BRINP3: variants seen among roughly 807,000 people sequenced by gnomAD.
BRINP3 encodes the protein BMP/retinoic acid inducible neural specific 3, also known as BMP/retinoic acid-inducible neural-specific protein 3.
BRINP3 carries 19 observed loss-of-function variants against 71.0 expected under a neutral mutation model. That is an observed-to-expected ratio of 0.27 (90% CI 0.19 to 0.39). The LOEUF (loss-of-function observed/expected upper bound fraction) is 0.39, where lower values mean the gene tolerates loss of function less well. Ranked by LOEUF, BRINP3 falls within the 10% of genes least tolerant of loss-of-function variation. The pLI is 1.00. For synonymous variants in BRINP3, 380 were observed against 337.7 expected, an observed-to-expected ratio of 1.13 and a Z score of -1.37; for missense variants, 959 against 940.8, an observed-to-expected ratio of 1.02 and a Z score of -0.25.
chr1:190,386,404 A>C (rs1001899148), intron 2 of BRINP3, among the ~76,000 whole-genome samples: 25 of 151,746 alleles, frequency 1.6e-4, no homozygotes, highest in Admixed American at 5.3e-4. Context: ...TAAAGGAAAT[A>C]AATACCAGAT....
At chr1:190,125,429 T>A (rs1390188492) in intron 7 of BRINP3, among the ~76,000 whole-genome samples, 1 of 151,920 alleles carries the variant, frequency 6.6e-6, no homozygotes, top group Non-Finnish European at 1.5e-5. Context: ...CTTTAAAACA[T>A]ATTTTTTTCT....
intron 2 of BRINP3, among the ~76,000 whole-genome samples, chr1:190,398,052 C>T (rs971164035): frequency 1.3e-5 from 2 of 151,858 alleles, no homozygotes; most frequent in Non-Finnish European, 2.9e-5. Context: ...TCTTTTAAGC[C>T]ACAAGCTGCA....
intron 2 of BRINP3, among the ~76,000 whole-genome samples, chr1:190,301,256 T>A (rs1664718637): frequency 7.0e-6 from 1 of 143,798 alleles, no homozygotes; most frequent in Admixed American, 7.1e-5. Context: ...TATATATATA[T>A]ATCTTATCAC....
intron 5 of BRINP3, among the ~76,000 whole-genome samples, chr1:190,228,645 T>C (rs1657632486): frequency 1.3e-5 from 2 of 151,878 alleles, no homozygotes. Flanking sequence ...TAAAGAGTTT[T>C]GAGAAAAGAG....
intron 7 of BRINP3, among the ~76,000 whole-genome samples, chr1:190,157,504 C>A (rs1187386201): frequency 6.6e-6 from 1 of 151,942 alleles, no homozygotes; most frequent in East Asian, 1.9e-4. Flanking sequence ...TAAAAAGAAC[C>A]CTAAAGTCAA....
intron 1 of BRINP3, among the ~76,000 whole-genome samples, chr1:190,467,544 C>T (rs1425919833): frequency 6.6e-6 from 1 of 151,334 alleles, no homozygotes; most frequent in South Asian, 2.1e-4. Context: ...CACAACTTAC[C>T]CAGTTGACAG....
At chr1:190,177,147 C>CGTCT (rs1558037412) in intron 6 of BRINP3, among the ~76,000 whole-genome samples, 5 of 129,894 alleles carry the variant, frequency 3.8e-5, no homozygotes, top group African/African-American at 1.2e-4. Context: ...GAAGCACCCA[C>CGTCT]TTCTTTTTTT....
chr1:190,400,576 T>C (rs967257561), intron 2 of BRINP3, among the ~76,000 whole-genome samples: 2 of 152,196 alleles, frequency 1.3e-5, no homozygotes, highest in African/African-American at 4.8e-5. Context: ...TGTGATTGGT[T>C]ACATCTGTTT....
intron 7 of BRINP3, among the ~76,000 whole-genome samples, chr1:190,146,212 A>G (rs905062837): frequency 1.3e-5 from 2 of 152,164 alleles, no homozygotes; most frequent in Non-Finnish European, 2.9e-5. Flanking sequence ...ATAATTTTTT[A>G]AAAGAGCATA....
At chr1:190,171,796 T>C (rs1335251436) in intron 6 of BRINP3, among the ~76,000 whole-genome samples, 2 of 152,112 alleles carry the variant, frequency 1.3e-5, no homozygotes, top group Non-Finnish European at 2.9e-5. Flanking sequence ...CATTCAGCTG[T>C]AATCTGATTT....
intron 7 of BRINP3, among the ~76,000 whole-genome samples, chr1:190,102,505 A>G (rs1240684366): frequency 1.3e-5 from 2 of 152,162 alleles, no homozygotes; most frequent in Non-Finnish European, 2.9e-5. Flanking sequence ...TTGTGACCAC[A>G]TGGGTGGCAA....
intron 2 of BRINP3, among the ~76,000 whole-genome samples, chr1:190,372,887 A>G (rs1669950846): frequency 1.3e-5 from 2 of 152,206 alleles, no homozygotes; most frequent in Non-Finnish European, 2.9e-5. Flanking sequence ...CTCTGTAGTA[A>G]TATCAACAAA....
chr1:190,380,032 A>G (rs1670450063), intron 2 of BRINP3, among the ~76,000 whole-genome samples: 1 of 151,692 alleles, frequency 6.6e-6, no homozygotes, highest in Non-Finnish European at 1.5e-5. Context: ...AAAAAGAAAA[A>G]AAAAAAGAAT....
At chr1:190,347,534 A>T (rs1668104630) in intron 2 of BRINP3, among the ~76,000 whole-genome samples, 1 of 152,160 alleles carries the variant, frequency 6.6e-6, no homozygotes, top group South Asian at 2.1e-4. Flanking sequence ...CTGTTTCTCC[A>T]GGATTTTGTA....
intron 6 of BRINP3, among the ~76,000 whole-genome samples, chr1:190,201,461 T>G (rs1654998106): frequency 6.6e-6 from 1 of 152,184 alleles, no homozygotes; most frequent in Non-Finnish European, 1.5e-5. Context: ...AAATCCCATT[T>G]TAGTTGAAGA....
chr1:190,331,643 T>C (rs1666971260), intron 2 of BRINP3, among the ~76,000 whole-genome samples: 1 of 152,072 alleles, frequency 6.6e-6, no homozygotes, highest in African/African-American at 2.4e-5. Context: ...AAACCCAGCA[T>C]CTGAACTTCT....
chr1:190,278,022 T>C (rs916410096), intron 3 of BRINP3, among the ~76,000 whole-genome samples: 2 of 151,782 alleles, frequency 1.3e-5, no homozygotes, highest in African/African-American at 4.8e-5. Context: ...GCTTTATCTG[T>C]CATAAAATAT....
chr1:190,277,113 A>ATATATATATATATTTATATT (rs746851050), intron 3 of BRINP3, among the ~76,000 whole-genome samples: 1 of 107,488 alleles, frequency 9.3e-6, no homozygotes, highest in African/African-American at 3.4e-5. Flanking sequence ...ATATATATAT[A>ATATATATATATATTTATATT]TATATTTATA....
intron 2 of BRINP3, among the ~76,000 whole-genome samples, chr1:190,326,524 G>GA (rs895857894): frequency 6.6e-6 from 1 of 151,774 alleles, no homozygotes; most frequent in African/African-American, 2.4e-5. Flanking sequence ...CACCAATACA[G>GA]AAAAAAATCT....
Sources: allele counts gnomAD v4.1 joint callset (sites outside exome capture counted in the v4.1 genomes callset), GRCh38; gene constraint gnomAD v4.1.1; transcripts MANE v1.5; gene names NCBI Gene and HGNC (gene_info 2026-07-23, HGNC 2026-07-21).